The following GRIN2B variants were observed in gnomAD, a reference collection of about 807,000 sequenced individuals.
The protein encoded by GRIN2B is glutamate receptor ionotropic, NMDA 2B.
In GRIN2B, 5 loss-of-function variants were observed where a neutral mutation model predicts 114.5. That is an observed-to-expected ratio of 0.04 (90% confidence interval 0.02 to 0.09). GRIN2B has a LOEUF of 0.09. Ranked by LOEUF, GRIN2B falls within the 10% of genes least tolerant of loss-of-function variation. The pLI is 1.00. For missense variants in GRIN2B, 1,108 were observed against 1,943.5 expected (o/e 0.57, Z 8.08); for synonymous variants, 787 against 745.1 (o/e 1.06, Z -0.92).
chr12:13,623,789 G>T (rs145552983), intron 5 of GRIN2B, among the ~76,000 whole-genome samples: 3 of 152,120 alleles, frequency 2.0e-5, no homozygotes, highest in East Asian at 3.9e-4. Flanking sequence ...TTTTTCTTTT[G>T]CAGTAGAACA....
chr12:13,926,327 A>G (rs1398596108), intron 2 of GRIN2B, among the ~76,000 whole-genome samples: 1 of 152,058 alleles, frequency 6.6e-6, no homozygotes, highest in East Asian at 1.9e-4. Flanking sequence ...CTTGTTCTGT[A>G]CCTTATTGAA....
At position 13,557,513 on chromosome 12, in the gene GRIN2B, T is replaced by C. The variant is rs1242110526; in HGVS notation, c.*5270A>G. On this transcript the variant is annotated 3_prime_UTR_variant, in exon 14 of 14. Transcript: ENST00000609686. The stretch of plus-strand genomic sequence containing the variant: ...TAGCTGCCTACTCAGTAACATGTAA[T>C]GGAGGAGAAGCATCACTCTTCTATT... The C allele has an allele frequency of 6.6e-6, 1 of 152,232 alleles. No individual in the cohort carries two copies. Among genetic ancestry groups the C allele is most frequent in the Non-Finnish European group, 1.5e-5 (1 of 68,042 alleles). 9.4% of individuals were successfully genotyped at this position (152,232 alleles called of 1,614,324 possible).
chr12:13,670,977 T>A (rs1364423431), intron 5 of GRIN2B, among the ~76,000 whole-genome samples: 1 of 152,156 alleles, frequency 6.6e-6, no homozygotes, highest in Non-Finnish European at 1.5e-5. Flanking sequence ...ATGTATCAAA[T>A]CTGTAAATGT....
chr12:13,813,250 G>A (rs11055629), intron 3 of GRIN2B, among the ~76,000 whole-genome samples: 33,496 of 151,908 alleles, frequency 0.22, 3,956 homozygotes, highest in Non-Finnish European at 0.24. Flanking sequence ...AATTTTATAT[G>A]AAACTGGAAA....
At position 13,611,945 on chromosome 12, in the gene GRIN2B, G is replaced by A. The variant is rs559366564; in HGVS notation, c.1655-95C>T. The A allele has an allele frequency of 4.6e-5, 56 of 1,228,156 alleles. No individual in the cohort carries two copies. The African/African-American group carries it at 6.9e-4, about 15-fold the overall frequency. 76.1% of individuals were successfully genotyped at this position (1,228,156 alleles called of 1,614,324 possible). ...TTCATTTCATATTTTAGGGGGTGGG[G>A]AACAAACCACAATGTGTTGTCTGCC... is the stretch of plus-strand genomic sequence containing the variant. On this transcript the variant is annotated intron_variant, in intron 8 of 13. Transcript: ENST00000609686.
intron 2 of GRIN2B, among the ~76,000 whole-genome samples, chr12:13,875,933 G>C (rs1591597954): frequency 6.6e-6 from 1 of 152,176 alleles, no homozygotes; most frequent in Non-Finnish European, 1.5e-5. Flanking sequence ...CTATCTCCAA[G>C]CAGCCATTAG....
intron 2 of GRIN2B, among the ~76,000 whole-genome samples, chr12:13,937,633 T>C (rs1490019608): frequency 6.6e-6 from 1 of 151,792 alleles, no homozygotes; most frequent in Non-Finnish European, 1.5e-5. Context: ...CAACACAAGA[T>C]GAAAACCCAG....
intron 5 of GRIN2B, among the ~76,000 whole-genome samples, chr12:13,639,383 G>T (rs1371659975): frequency 1.3e-5 from 2 of 152,154 alleles, no homozygotes; most frequent in Non-Finnish European, 2.9e-5. Flanking sequence ...GAAGAGGTCA[G>T]TTCTAATGCC....
At chr12:13,902,886 C>A (rs983941980) in intron 2 of GRIN2B, among the ~76,000 whole-genome samples, 2 of 152,122 alleles carry the variant, frequency 1.3e-5, no homozygotes, top group Admixed American at 1.3e-4. Context: ...CTAAGCCTGG[C>A]ACACTTTTTT....
At chr12:13,703,611 T>C (rs1214020006) in intron 4 of GRIN2B, among the ~76,000 whole-genome samples, 1 of 152,174 alleles carries the variant, frequency 6.6e-6, no homozygotes, top group Admixed American at 6.5e-5. Context: ...AAATATGCAA[T>C]ATATTTTTAA....
chr12:13,671,374 T>C (rs1417583503), intron 5 of GRIN2B, among the ~76,000 whole-genome samples: 4 of 152,188 alleles, frequency 2.6e-5, no homozygotes, highest in Non-Finnish European at 4.4e-5. Context: ...TCAGTTCTGA[T>C]TTCCAAAACC....
At chr12:13,819,458 A>T (rs1188048148) in intron 3 of GRIN2B, among the ~76,000 whole-genome samples, 3 of 152,138 alleles carry the variant, frequency 2.0e-5, no homozygotes, top group Non-Finnish European at 4.4e-5. Context: ...ACCCTTACTA[A>T]TCCCTGAAAG....
chr12:13,765,231 T>C (rs1001745983), intron 3 of GRIN2B, among the ~76,000 whole-genome samples: 5 of 152,212 alleles, frequency 3.3e-5, no homozygotes, highest in Non-Finnish European at 7.3e-5. Context: ...GAACAGACAC[T>C]AACCAGAGTA....
chr12:13,712,992 T>C (rs1591690982), intron 4 of GRIN2B, among the ~76,000 whole-genome samples: 1 of 151,976 alleles, frequency 6.6e-6, no homozygotes, highest in African/African-American at 2.4e-5. Context: ...TGCTAAGTGA[T>C]GCAAGAAATC....
chr12:13,967,504 A>G (rs759481502), intron 2 of GRIN2B, among the ~76,000 whole-genome samples: 1 of 152,206 alleles, frequency 6.6e-6, no homozygotes, highest in Non-Finnish European at 1.5e-5. Flanking sequence ...ACATACCTCT[A>G]TGGATGTTTG....
At chr12:13,835,144 C>A (rs576429343) in intron 3 of GRIN2B, among the ~76,000 whole-genome samples, 1 of 152,212 alleles carries the variant, frequency 6.6e-6, no homozygotes, top group African/African-American at 2.4e-5. Context: ...GAGCTATCTA[C>A]AATCTATGGA....
chr12:13,628,889 A>C (rs1236363810), intron 5 of GRIN2B, among the ~76,000 whole-genome samples: 1 of 152,236 alleles, frequency 6.6e-6, no homozygotes, highest in Non-Finnish European at 1.5e-5. Context: ...TTCAAGACAT[A>C]AGGTTGTGAA....
intron 2 of GRIN2B, 33 bp from the exon 3 acceptor site, chr12:13,866,259 G>A: frequency 1.9e-6 from 3 of 1,576,230 alleles, no homozygotes; most frequent in South Asian, 2.2e-5. Context: ...TGTTAAAATA[G>A]GATCTACATC....
chr12:13,727,149 C>T (rs1221560951), intron 4 of GRIN2B, among the ~76,000 whole-genome samples: 1 of 152,098 alleles, frequency 6.6e-6, no homozygotes, highest in East Asian at 1.9e-4. Context: ...ACTCTTAACC[C>T]TAGGGATTGT....
Sources: gnomAD v4.1 joint callset for allele counts (sites outside exome capture counted in the v4.1 genomes callset) on GRCh38, gnomAD v4.1.1 for gene constraint, MANE v1.5 for transcripts, NCBI Gene and HGNC (gene_info 2026-07-23, HGNC 2026-07-21) for gene names.